ITSN1: variants seen among roughly 807,000 people sequenced by gnomAD.
ITSN1 encodes the protein intersectin 1, also known as intersectin-1.
A neutral mutation model predicts 239.8 loss-of-function variants in ITSN1; 58 were observed. That is an observed-to-expected ratio of 0.24 (90% CI 0.20 to 0.30). The LOEUF (loss-of-function observed/expected upper bound fraction) is 0.30. Among genes scored for constraint, ITSN1 ranks in the 10% least tolerant of loss-of-function variants. ITSN1 has a pLI of 1.00. For synonymous variants in ITSN1, 780 were observed against 770.8 expected (o/e 1.01, Z -0.20); for missense variants, 1,558 against 2,103.3 (o/e 0.74, Z 5.07).
intron 10 of ITSN1, among the ~76,000 whole-genome samples, chr21:33,767,447 T>C (rs776431042): frequency 2.6e-5 from 4 of 152,220 alleles, no homozygotes; most frequent in Non-Finnish European, 5.9e-5. Context: ...CTTACCACTT[T>C]TTGATTATTA....
intron 1 of ITSN1, among the ~76,000 whole-genome samples, chr21:33,692,601 G>T (rs2091597943): frequency 1.3e-5 from 2 of 151,956 alleles, no homozygotes; most frequent in African/African-American, 4.8e-5. Flanking sequence ...TGCATTTCTA[G>T]TTTCTTTATA....
chr21:33,645,300 A>G (rs1280366567), intron 1 of ITSN1, among the ~76,000 whole-genome samples: 3 of 152,240 alleles, frequency 2.0e-5, no homozygotes, highest in South Asian at 2.1e-4. Flanking sequence ...TGGGTTTCTT[A>G]AAGTGTGGGC....
chr21:33,816,821 G>C (rs1185297173), intron 22 of ITSN1, among the ~76,000 whole-genome samples: 1 of 152,090 alleles, frequency 6.6e-6, no homozygotes, highest in Non-Finnish European at 1.5e-5. Context: ...CAATCTTAGG[G>C]GTGTTCGAAA....
chr21:33,796,990 G>A lies in ITSN1; in HGVS notation c.1953-389G>A, dbSNP rs2071613651. ...CAACTTCAGGTTTGGGGAGCAATGTGTGTGCATGTAAATGTGTTGTTCCCT... is the reference window on the plus strand; with the variant it reads ...CAACTTCAGGTTTGGGGAGCAATGTATGTGCATGTAAATGTGTTGTTCCCT... On this transcript the variant is annotated intron_variant, in intron 17 of 39. Coordinates refer to ENST00000381318, the MANE Select transcript of ITSN1 (RefSeq NM_003024.3). Among the ~76,000 whole-genome samples the A allele has an allele frequency of 2.0e-5, 3 of 152,178 alleles. No homozygotes were observed. In the South Asian group the frequency reaches 6.2e-4, roughly 31 times the overall value.
intron 12 of ITSN1, among the ~76,000 whole-genome samples, chr21:33,772,981 T>TA (rs1434659772): frequency 2.0e-5 from 3 of 151,864 alleles, no homozygotes; most frequent in Non-Finnish European, 2.9e-5. Flanking sequence ...TCATACCAAT[T>TA]ACATTGTTCT....
chr21:33,647,285 A>G lies in ITSN1; in HGVS notation c.-33+4572A>G, dbSNP rs1019104980. The stretch of plus-strand genomic sequence containing the variant: ...ACCCGTAAGTCTACTACCTGCATAC[A>G]TATTTCTTCAAATCCTTTTGTGTGT... On this transcript the variant is annotated intron_variant, in intron 1 of 39. Transcript: ENST00000381318. Among the ~76,000 whole-genome samples the G allele has an allele frequency of 3.3e-5, 5 of 152,218 alleles. No homozygotes were observed. The East Asian group carries it at 9.6e-4, about 29-fold the overall frequency.
chr21:33,683,856 A>C (rs962766396), intron 1 of ITSN1, among the ~76,000 whole-genome samples: 24 of 152,200 alleles, frequency 1.6e-4, no homozygotes, highest in Non-Finnish European at 2.9e-4. Context: ...TGTAGTTGCT[A>C]TCCATTTTAG....
chr21:33,832,696 A>G (rs1314301322), intron 27 of ITSN1, among the ~76,000 whole-genome samples: 6 of 152,182 alleles, frequency 3.9e-5, no homozygotes, highest in South Asian at 2.1e-4. Flanking sequence ...AGTCATCGGC[A>G]GGTTCACTGT....
rs117933991 is a variant in ITSN1, at chr21:33,855,747, C to T, written c.3662-989C>T. ...GCCCTTCCCGTCGGGCAGCCTTGGCCTCCATGATGGTCTTGTGCCAGGCTC... is the reference window on the plus strand; with the variant it reads ...GCCCTTCCCGTCGGGCAGCCTTGGCTTCCATGATGGTCTTGTGCCAGGCTC... On this transcript the variant is annotated intron_variant, in intron 29 of 39. Transcript: ENST00000381318. Among the ~76,000 whole-genome samples the T allele has an allele frequency of 2.9e-3, 443 of 152,368 alleles. 3 individuals carry two copies. Among genetic ancestry groups the T allele is most frequent in the Admixed American group, 4.8e-3 (74 of 15,314 alleles).
chr21:33,655,215 TAGCTGAGGGAAAAC>T (rs1359060767), intron 1 of ITSN1, among the ~76,000 whole-genome samples: 1 of 83,570 alleles, frequency 1.2e-5, no homozygotes, highest in Non-Finnish European at 2.7e-5. Flanking sequence ...TGTAGATCTC[TAGCTGAGGGAAAAC>T]AGGAAGGAAG....
chr21:33,743,951 A>G (rs1406073424), intron 5 of ITSN1, among the ~76,000 whole-genome samples: 3 of 152,254 alleles, frequency 2.0e-5, no homozygotes, highest in Non-Finnish European at 2.9e-5. Context: ...GCTTCGGGGT[A>G]TATTAACATG....
intron 1 of ITSN1, among the ~76,000 whole-genome samples, chr21:33,700,638 G>T (rs191921870): frequency 1.3e-5 from 2 of 152,232 alleles, no homozygotes; most frequent in African/African-American, 4.8e-5. Context: ...CTGACACCAG[G>T]CATGCTTTGG....
intron 29 of ITSN1, among the ~76,000 whole-genome samples, chr21:33,854,858 AG>A (rs1338886181): frequency 6.6e-6 from 1 of 152,122 alleles, no homozygotes; most frequent in African/African-American, 2.4e-5. Flanking sequence ...ACTCTGAGTG[AG>A]GTCGAGGGTG....
intron 4 of ITSN1, among the ~76,000 whole-genome samples, chr21:33,723,441 C>A (rs1311122963): frequency 6.6e-6 from 1 of 152,130 alleles, no homozygotes; most frequent in Admixed American, 6.6e-5. Context: ...GGTGAAACCC[C>A]ATCTCTCCTA....
At chr21:33,654,947 T>C (rs1371431504) in intron 1 of ITSN1, among the ~76,000 whole-genome samples, 1 of 152,198 alleles carries the variant, frequency 6.6e-6, no homozygotes, top group Non-Finnish European at 1.5e-5. Context: ...AGCTGGAGTT[T>C]CTGTTACTGT....
intron 1 of ITSN1, among the ~76,000 whole-genome samples, chr21:33,654,405 G>C (rs1276523586): frequency 6.6e-6 from 1 of 151,776 alleles, no homozygotes; most frequent in Admixed American, 6.6e-5. Context: ...TTATACTCTA[G>C]ACTCTTAGCA....
At chr21:33,754,753 TTCTC>T (rs748887115) in intron 7 of ITSN1, among the ~76,000 whole-genome samples, 1 of 151,968 alleles carries the variant, frequency 6.6e-6, no homozygotes, top group Non-Finnish European at 1.5e-5. Context: ...AAATGTTCTG[TTCTC>T]TCTCTCTCTG....
chr21:33,836,946 T>A, intron 29 of ITSN1: 1 of 1,551,316 alleles, frequency 6.4e-7, no homozygotes, highest in Non-Finnish European at 8.9e-7. Flanking sequence ...TTTTGCTCAT[T>A]GTTTTGTTTT....
intron 4 of ITSN1, among the ~76,000 whole-genome samples, chr21:33,728,235 G>A (rs2065948452): frequency 6.6e-6 from 1 of 152,068 alleles, no homozygotes; most frequent in South Asian, 2.1e-4. Flanking sequence ...AAAGTGCTGG[G>A]ATTATAGGCA....
Sources: gnomAD v4.1 joint callset for allele counts (sites outside exome capture counted in the v4.1 genomes callset) on GRCh38, gnomAD v4.1.1 for gene constraint, MANE v1.5 for transcripts, NCBI Gene and HGNC (gene_info 2026-07-23, HGNC 2026-07-21) for gene names.